The following PTP4A3 variants were observed in gnomAD, a reference collection of about 807,000 sequenced individuals.
PTP4A3 encodes the protein protein tyrosine phosphatase type IVA 3.
A neutral mutation model predicts 15.2 loss-of-function variants in PTP4A3; 9 were observed. That is an observed-to-expected ratio of 0.59 (90% CI 0.36 to 1.03). The LOEUF is 1.03. Among genes scored for constraint, PTP4A3 ranks in the 50% least tolerant of loss-of-function variants. PTP4A3 has a pLI of 0.02. For synonymous variants in PTP4A3, 95 were observed against 102.0 expected, an observed-to-expected ratio of 0.93 and a Z score of 0.41; for missense variants, 234 against 252.1, an observed-to-expected ratio of 0.93 and a Z score of 0.49.
chr8:141,408,808 G>A (rs1361688662), intron 1 of PTP4A3, among the ~76,000 whole-genome samples: 4 of 152,162 alleles, frequency 2.6e-5, no homozygotes, highest in East Asian at 1.9e-4. Flanking sequence ...CCAGCTGCTG[G>A]GGAACAGAGG....
chr8:141,413,716 A>C (rs1467382619), intron 1 of PTP4A3, among the ~76,000 whole-genome samples: 1 of 152,176 alleles, frequency 6.6e-6, no homozygotes, highest in Non-Finnish European at 1.5e-5. Context: ...TACAGACGCC[A>C]TGGCTTTGGA....
Position 141,422,321 on chromosome 8 carries a change from C to T in PTP4A3, c.81C>T (p.Asn27=), listed in dbSNP as rs781116529. 7.4e-6 allele frequency: 12 copies of T among 1,613,410 alleles called. No individual in the cohort carries two copies. The highest frequency in any genetic ancestry group is 6.7e-5 in the East Asian group (3 of 44,898). ...MRFLITHNPT[N]ATLSTFIEDL... ...TCCTCATCACCCACAACCCCACCAA[C>T]GCCACGCTCAGCACCTTCATTGAGG... Residue 27 remains asparagine (N), a synonymous_variant, in exon 2 of 6, where the codon AAC becomes AAT. Coordinates refer to ENST00000521578, the MANE Select transcript of PTP4A3 (RefSeq NM_032611.3).
chr8:141,395,703 C>T (rs972540736), intron 1 of PTP4A3, among the ~76,000 whole-genome samples: 1 of 134,714 alleles, frequency 7.4e-6, no homozygotes, highest in Non-Finnish European at 1.5e-5. Context: ...CCTCCTGCAG[C>T]CCCCGTTCAT....
At chr8:141,395,911 GA>G (rs1832440185) in intron 1 of PTP4A3, among the ~76,000 whole-genome samples, 1 of 152,216 alleles carries the variant, frequency 6.6e-6, no homozygotes, top group African/African-American at 2.4e-5. Flanking sequence ...AGAAGGAGTG[GA>G]AATGCAGCAC....
In PTP4A3 at chr8:141,406,450, C is replaced by T. The variant is rs184270221; in HGVS notation, c.-854+14366C>T. ...GCTGCCACCCAGAGCCCGCCCTTTC[C>T]GGAGAGCAGTTCCCTGGGGTGTCCC... is the stretch of plus-strand genomic sequence containing the variant. On this transcript the variant is annotated intron_variant, in intron 1 of 5. Coordinates refer to ENST00000521578, the MANE Select transcript of PTP4A3 (RefSeq NM_032611.3). This position sits in a 1 kb window ranked among gnomAD's most constrained non-coding sequence, Gnocchi z 4.5. Among the ~76,000 whole-genome samples, 16 of 152,164 alleles carry T rather than the reference C, an allele frequency of 1.1e-4. No homozygotes were observed. The highest frequency in any genetic ancestry group is 3.4e-4 in the African/African-American group (14 of 41,518).
chr8:141,409,500 G>T (rs1038592189), intron 1 of PTP4A3, among the ~76,000 whole-genome samples: 2 of 152,202 alleles, frequency 1.3e-5, no homozygotes, highest in Non-Finnish European at 2.9e-5. Context: ...GCACCACGGC[G>T]ATGCCCAGAG....
At chr8:141,428,757 C>T (rs1468915806) in intron 5 of PTP4A3, among the ~76,000 whole-genome samples, 1 of 152,238 alleles carries the variant, frequency 6.6e-6, no homozygotes. Flanking sequence ...TACAGGCACA[C>T]ATTCACAAGC....
At chr8:141,426,914 T>G in intron 3 of PTP4A3, 25 bp from the exon 4 acceptor site, 1 of 1,606,790 alleles carries the variant, frequency 6.2e-7, no homozygotes, top group Non-Finnish European at 8.5e-7. Flanking sequence ...CAGCCGGGGG[T>G]CCTCATGTCT....
intron 1 of PTP4A3, among the ~76,000 whole-genome samples, chr8:141,401,940 G>A (rs1029419275): frequency 1.3e-5 from 2 of 150,620 alleles, no homozygotes; most frequent in Non-Finnish European, 2.9e-5. Context: ...CATGGACGAG[G>A]CCACTCCAGC....
intron 1 of PTP4A3, among the ~76,000 whole-genome samples, chr8:141,409,817 C>T (rs1351660509): frequency 6.6e-6 from 1 of 152,260 alleles, no homozygotes; most frequent in African/African-American, 2.4e-5. Flanking sequence ...CAGGCCCCCT[C>T]CTGCCCTGCT....
At chr8:141,420,671 G>T (rs1833288631) in intron 1 of PTP4A3, among the ~76,000 whole-genome samples, 1 of 152,252 alleles carries the variant, frequency 6.6e-6, no homozygotes, top group South Asian at 2.1e-4. Flanking sequence ...CTCCTGGAGG[G>T]GCAGAGCTGG....
At chr8:141,393,922 T>C (rs1330606205) in intron 1 of PTP4A3, among the ~76,000 whole-genome samples, 5 of 152,224 alleles carry the variant, frequency 3.3e-5, no homozygotes, top group African/African-American at 1.2e-4. Flanking sequence ...GCTTAACAGA[T>C]GCTTAACCAA....
chr8:141,394,127 C>A (rs1054260404), intron 1 of PTP4A3, among the ~76,000 whole-genome samples: 15 of 152,186 alleles, frequency 9.9e-5, no homozygotes, highest in Non-Finnish European at 1.6e-4. Flanking sequence ...TGCACGTGAC[C>A]TCCTTAGGGA....
rs1833502961 is a variant in PTP4A3, at chr8:141,425,040, A to G, written c.106-8A>G. The G allele has an allele frequency of 2.5e-6, 4 of 1,609,456 alleles. No individual in the cohort carries two copies. The highest frequency in any genetic ancestry group is 3.4e-6 in the Non-Finnish European group (4 of 1,177,230). ...CCAGCCCTGCCTCCTCCGTCCTCCC[A>G]CCCCCAGGACCTGAAGAAGTACGGG... On this transcript the variant is annotated splice_region_variant and splice_polypyrimidine_tract_variant and intron_variant, in intron 2 of 5. Coordinates refer to ENST00000521578, the MANE Select transcript of PTP4A3 (RefSeq NM_032611.3). The surrounding 1 kb of genome is among the most constrained non-coding windows in gnomAD (Gnocchi z 4.2).
intron 1 of PTP4A3, among the ~76,000 whole-genome samples, chr8:141,400,848 T>C (rs1465039781): frequency 6.6e-6 from 1 of 151,384 alleles, no homozygotes; most frequent in African/African-American, 2.4e-5. Flanking sequence ...CATGGGTGAG[T>C]AGGACTTGTA....
At chr8:141,396,284 C>T (rs1429573270) in intron 1 of PTP4A3, among the ~76,000 whole-genome samples, 5 of 152,198 alleles carry the variant, frequency 3.3e-5, no homozygotes, top group Non-Finnish European at 4.4e-5. Flanking sequence ...TACCGTCCTG[C>T]CCTAGAGCCA....
intron 1 of PTP4A3, among the ~76,000 whole-genome samples, chr8:141,405,250 T>A (rs907154027): frequency 3.9e-5 from 6 of 152,188 alleles, no homozygotes; most frequent in Non-Finnish European, 8.8e-5. Flanking sequence ...TGGCTCCTGA[T>A]CCTGTGGGCC....
At chr8:141,398,791 C>T (rs1461051783) in intron 1 of PTP4A3, among the ~76,000 whole-genome samples, 2 of 152,058 alleles carry the variant, frequency 1.3e-5, no homozygotes, top group African/African-American at 2.4e-5. Flanking sequence ...TCTTGGACCT[C>T]AGTTTCCCCT....
At chr8:141,419,714 G>A (rs1280061148) in intron 1 of PTP4A3, among the ~76,000 whole-genome samples, 1 of 152,068 alleles carries the variant, frequency 6.6e-6, no homozygotes, top group East Asian at 1.9e-4. Flanking sequence ...TGGGATTACA[G>A]GCATGCACTT....
Sources: allele counts gnomAD v4.1 joint callset (sites outside exome capture counted in the v4.1 genomes callset), GRCh38; gene constraint gnomAD v4.1.1; non-coding constraint Gnocchi (gnomAD v3.1); transcripts MANE v1.5; gene names NCBI Gene and HGNC (gene_info 2026-07-23, HGNC 2026-07-21).